The following MRPS18A variants were observed in gnomAD, a reference collection of about 807,000 sequenced individuals.
The protein encoded by MRPS18A is mitochondrial ribosomal protein S18A, also known as large ribosomal subunit protein mL66.
MRPS18A carries 20 observed loss-of-function variants against 22.7 expected under a neutral mutation model. The ratio of observed to expected loss-of-function variants is 0.88; its 90% CI spans 0.62 to 1.28. The LOEUF (loss-of-function observed/expected upper bound fraction) is 1.28, where lower values mean the gene tolerates loss of function less well. Ranked by LOEUF, MRPS18A falls within the 50% of genes most tolerant of loss-of-function variation. The pLI, the probability that MRPS18A is intolerant of heterozygous loss-of-function variation, is 0.00. For missense variants in MRPS18A, 294 were observed against 262.6 expected (o/e 1.12, Z -0.83); for synonymous variants, 106 against 99.1 (o/e 1.07, Z -0.41).
At chr6:43,675,114 C>T in intron 5 of MRPS18A, 88 bp downstream of exon 5, 1 of 1,186,938 alleles carries the variant, frequency 8.4e-7, no homozygotes, top group Non-Finnish European at 1.2e-6. Flanking sequence ...GATGCTTAAG[C>T]TGGCAGGGAA....
intron 3 of MRPS18A, among the ~76,000 whole-genome samples, chr6:43,677,594 C>T (rs1231577089): frequency 6.6e-6 from 1 of 152,178 alleles, no homozygotes; most frequent in Non-Finnish European, 1.5e-5. Flanking sequence ...CCCTCCCCAT[C>T]TCTGGGGAGG....
rs951758170 is a variant in MRPS18A, at chr6:43,675,914, C to T, written c.253-297G>A. Among the ~76,000 whole-genome samples, 13 of 151,968 alleles carry T rather than the reference C, an allele frequency of 8.6e-5. No homozygotes were observed. In the East Asian group the frequency reaches 1.2e-3, roughly 14 times the overall value. ...TGTTGCCCAGGCTGGAGTGCAGTGG[C>T]GCAATCTCGGGTCACTGCAATCTCT... On this transcript the variant is annotated intron_variant, in intron 3 of 5. Coordinates refer to ENST00000372133, the MANE Select transcript of MRPS18A (RefSeq NM_018135.4).
At chr6:43,676,944 C>T (rs897770761) in intron 3 of MRPS18A, among the ~76,000 whole-genome samples, 9 of 152,344 alleles carry the variant, frequency 5.9e-5, no homozygotes, top group Non-Finnish European at 1.0e-4. Flanking sequence ...CCCCAGCCCT[C>T]CACCCTAGGC....
chr6:43,675,833 C>T (rs1451671363), intron 3 of MRPS18A, among the ~76,000 whole-genome samples: 2 of 151,998 alleles, frequency 1.3e-5, no homozygotes, highest in African/African-American at 4.8e-5. Flanking sequence ...TTATCAACCC[C>T]AAGAGCTCCC....
In MRPS18A at chr6:43,671,872, G is replaced by A. The variant is rs904409258; in HGVS notation, c.481C>T (p.Pro161Ser). The A allele has an allele frequency of 1.2e-6, 2 of 1,613,382 alleles. No individual in the cohort carries two copies. The highest frequency in any genetic ancestry group is 2.7e-5 in the African/African-American group (2 of 74,912). The change falls in exon 6 of 6, where the codon CCC becomes TCC. Residue 161 changes from proline (P) to serine (S), a missense_variant. Transcript: ENST00000372133. ...LTRWAPGSVK[P>S]IYKKGPRWNR... is the part of the protein sequence containing the mutation. Reference sequence around the variant, plus strand: ...CAGCGGGGGCCTTTTTTGTAGATGGGCTTGACGGAGCCAGGAGCCCAGCGC... The same window carrying A: ...CAGCGGGGGCCTTTTTTGTAGATGGACTTGACGGAGCCAGGAGCCCAGCGC...
At chr6:43,677,212 G>A (rs904515482) in intron 3 of MRPS18A, among the ~76,000 whole-genome samples, 1 of 152,168 alleles carries the variant, frequency 6.6e-6, no homozygotes, top group Non-Finnish European at 1.5e-5. Context: ...ATGGTGAGCG[G>A]CTGGGAACAC....
Position 43,687,709 on chromosome 6 carries a change from G to A in MRPS18A, c.71C>T (p.Ala24Val), listed in dbSNP as rs759375863. 6.3e-7 allele frequency: 1 copy of A among 1,585,806 alleles called. No individual in the cohort carries two copies. Among genetic ancestry groups the A allele is most frequent in the South Asian group, 1.1e-5 (1 of 87,102 alleles). Residue 24 changes from alanine (A) to valine (V), a missense_variant, in exon 1 of 6, where the codon GCG becomes GTG. Coordinates refer to ENST00000372133, the MANE Select transcript of MRPS18A (RefSeq NM_018135.4). ...LLRGLLAGPA[A>V]TSWSRLPARG... The stretch of plus-strand genomic sequence containing the variant: ...AGCTGGAAGCCGAGACCAGCTGGTC[G>A]CTGCCGGGCCCGCTAGTAGCCCACG...
intron 1 of MRPS18A, among the ~76,000 whole-genome samples, chr6:43,681,967 G>C (rs1035098748): frequency 2.6e-5 from 4 of 152,226 alleles, no homozygotes; most frequent in Admixed American, 6.5e-5. Context: ...TAATCAAATA[G>C]TTCTTGGAGA....
chr6:43,686,741 A>C (rs1165623872), intron 1 of MRPS18A, among the ~76,000 whole-genome samples: 1 of 152,210 alleles, frequency 6.6e-6, no homozygotes, highest in East Asian at 1.9e-4. Flanking sequence ...AAAAAACCCC[A>C]CATCTCTTCT....
chr6:43,681,005 T>G lies in MRPS18A; in HGVS notation c.144+84A>C, dbSNP rs939637062. The stretch of plus-strand genomic sequence containing the variant: ...CTGATCCTGGAGCTGGGCGTCCAGT[T>G]TGGGCCCCTCCCTCCCTCAGAGGAG... On this transcript the variant is annotated intron_variant, in intron 2 of 5. Transcript: ENST00000372133. 22 of 1,356,130 alleles carry G rather than the reference T, an allele frequency of 1.6e-5. No individual in the cohort carries two copies. In the Admixed American group the frequency reaches 3.2e-4, roughly 20 times the overall value. The allele number at this position is 1,356,130 out of a possible 1,614,324, so 84.0% of individuals were successfully genotyped here.
rs572044279 is a variant in MRPS18A at position 43,672,360 on chromosome 6, G to A, written c.447-454C>T. ...GGAACTCCCCAGGGTACTATAACTGGTATAAGACCCCTGCCCCTCACCCAA... is the reference window on the plus strand; with the variant it reads ...GGAACTCCCCAGGGTACTATAACTGATATAAGACCCCTGCCCCTCACCCAA... On this transcript the variant is annotated intron_variant, in intron 5 of 5. Transcript: ENST00000372133. 5.5e-3 allele frequency: 2,609 copies of A among 472,292 alleles called. 90 individuals are homozygous for A. The highest frequency in any genetic ancestry group is 0.039 in the South Asian group (2,543 of 64,578). 29.3% of individuals were successfully genotyped at this position (472,292 alleles called of 1,614,324 possible). A position where few individuals can be genotyped will look rare whatever the true frequency, so the allele number is the denominator to read the frequency against.
intron 1 of MRPS18A, among the ~76,000 whole-genome samples, chr6:43,683,968 G>C (rs1774551553): frequency 6.6e-6 from 1 of 152,102 alleles, no homozygotes; most frequent in African/African-American, 2.4e-5. Context: ...TAACAGTGTG[G>C]AACAAATGAC....
chr6:43,675,677 G>A, intron 3 of MRPS18A, 60 bp from the exon 4 acceptor site: 1 of 1,548,096 alleles, frequency 6.5e-7, no homozygotes, highest in South Asian at 1.2e-5. Context: ...ATGCCGGGAA[G>A]CTAGGGCTTC....
chr6:43,680,451 T>C (rs1226362934), intron 2 of MRPS18A, among the ~76,000 whole-genome samples: 1 of 152,304 alleles, frequency 6.6e-6, no homozygotes, highest in African/African-American at 2.4e-5. Flanking sequence ...GAGGATTTCT[T>C]GGAGGCATAG....
intron 2 of MRPS18A, among the ~76,000 whole-genome samples, chr6:43,679,523 T>C (rs1218348351): frequency 1.3e-5 from 2 of 152,230 alleles, no homozygotes; most frequent in African/African-American, 4.8e-5. Context: ...TGCCGTATCC[T>C]GTGATACAGC....
At chr6:43,678,497 T>A in intron 3 of MRPS18A, 21 bp downstream of exon 3, 1 of 1,546,958 alleles carries the variant, frequency 6.5e-7, no homozygotes. Flanking sequence ...CAGAACCGAG[T>A]GTCTCTGTAC....
At chr6:43,676,035 G>A (rs914838762) in intron 3 of MRPS18A, among the ~76,000 whole-genome samples, 10 of 152,006 alleles carry the variant, frequency 6.6e-5, no homozygotes, top group Non-Finnish European at 1.2e-4. Flanking sequence ...AATTTTTGTA[G>A]AGATGGGGTC....
At chr6:43,675,451 T>A (rs368216569) in intron 4 of MRPS18A, 43 bp downstream of exon 4, 5 of 1,613,354 alleles carry the variant, frequency 3.1e-6, no homozygotes, top group Non-Finnish European at 4.2e-6. Flanking sequence ...GGGGAGAGAG[T>A]GCCTGCAGCC....
At chr6:43,676,043 G>A (rs1313321790) in intron 3 of MRPS18A, among the ~76,000 whole-genome samples, 1 of 152,002 alleles carries the variant, frequency 6.6e-6, no homozygotes, top group Non-Finnish European at 1.5e-5. Context: ...TAGAGATGGG[G>A]TCTCGCTATG....
Sources: allele counts gnomAD v4.1 joint callset (sites outside exome capture counted in the v4.1 genomes callset), GRCh38; gene constraint gnomAD v4.1.1; transcripts MANE v1.5; gene names NCBI Gene and HGNC (gene_info 2026-07-23, HGNC 2026-07-21).